Variants in EVC2 observed in about 807,000 individuals in gnomAD.
The protein encoded by EVC2 is EvC ciliary complex subunit 2, also known as limbin.
A neutral mutation model predicts 149.3 loss-of-function variants in EVC2; 148 were observed. The observed-to-expected ratio is 0.99, with a 90% confidence interval of 0.87 to 1.14. EVC2 has a LOEUF of 1.14. EVC2 is among the 50% of genes most tolerant of loss of function. EVC2 has a pLI of 0.00. For missense variants in EVC2, 1,854 were observed against 1,627.3 expected, an observed-to-expected ratio of 1.14 and a Z score of -2.40; for synonymous variants, 776 against 649.9, an observed-to-expected ratio of 1.19 and a Z score of -2.95.
intron 21 of EVC2, among the ~76,000 whole-genome samples, chr4:5,547,547 C>T (rs915243690): frequency 1.3e-5 from 2 of 152,192 alleles, no homozygotes; most frequent in Non-Finnish European, 2.9e-5. Flanking sequence ...AACTGGCATA[C>T]ACTTCCTCCC....
intron 9 of EVC2, among the ~76,000 whole-genome samples, chr4:5,659,235 G>A (rs1718725170): frequency 6.6e-6 from 1 of 152,124 alleles, no homozygotes; most frequent in Non-Finnish European, 1.5e-5. Context: ...AATTACAAAT[G>A]CGATAACTGA....
chr4:5,686,224 T>TTTTA lies in EVC2; in HGVS notation c.707-749_707-746dup, dbSNP rs1211554183. On this transcript the variant is annotated intron_variant, in intron 5 of 21. Transcript: ENST00000344408. The surrounding 1 kb of genome is among the most constrained non-coding windows in gnomAD (Gnocchi z 5.4). Reference sequence around the variant, plus strand: ...AACATTTTCATTTTTATTTAAAATTTTTTATTTATTTATTTCTGAGACAGG... The same window carrying TTTTA: ...AACATTTTCATTTTTATTTAAAATTTTTTATTTATTTATTTATTTCTGAGACAGG... Among the ~76,000 whole-genome samples, 3 of 152,068 alleles carry TTTTA rather than the reference T, an allele frequency of 2.0e-5. No individual in the cohort carries two copies. Among genetic ancestry groups the TTTTA allele is most frequent in the African/African-American group, 7.2e-5 (3 of 41,392 alleles).
At position 5,568,597 on chromosome 4, in the gene EVC2, G is replaced by C; in HGVS notation, c.3404C>G (p.Pro1135Arg). ...CAGGAGCCGGCGAAGCGTGGCCCCG[G>C]GCACCATGGCCATCCTCGCCAGGTA... ...ASYLARMAMVPGATLRRLLSV... is the reference protein window; with the variant it reads ...ASYLARMAMVRGATLRRLLSV... The change falls in exon 20 of 22, where the codon CCC becomes CGC. Residue 1135 changes from proline to arginine, a missense_variant. By Grantham distance (103) the Pro-to-Arg change is moderately radical. Transcript: ENST00000344408. 6.2e-7 allele frequency: 1 copy of C among 1,608,998 alleles called. No individual in the cohort carries two copies. Among genetic ancestry groups the C allele is most frequent in the East Asian group, 2.2e-5 (1 of 44,830 alleles).
intron 3 of EVC2, among the ~76,000 whole-genome samples, chr4:5,692,257 G>A (rs1006125274): frequency 4.6e-5 from 7 of 152,082 alleles, no homozygotes; most frequent in East Asian, 1.9e-4. Flanking sequence ...TGGACTCCTG[G>A]CCTCAAGTGA....
chr4:5,708,794 A>C (rs563774142), upstream of EVC2: 44 of 335,582 alleles, frequency 1.3e-4, no homozygotes, highest in African/African-American at 9.2e-4. Context: ...CCCCGAGGTT[A>C]CCAGGACCCC....
intron 9 of EVC2, among the ~76,000 whole-genome samples, 184 bp downstream of exon 9, chr4:5,662,923 T>C (rs1178565533): frequency 6.6e-6 from 1 of 151,800 alleles, no homozygotes; most frequent in African/African-American, 2.4e-5. Flanking sequence ...GAGCAGGAAG[T>C]ATGTCATCTA....
At chr4:5,631,576 G>T (rs1172946318) in intron 11 of EVC2, among the ~76,000 whole-genome samples, 1 of 150,080 alleles carries the variant, frequency 6.7e-6, no homozygotes, top group Admixed American at 6.7e-5. Flanking sequence ...CTGGGGGGGG[G>T]AACTGAAATT....
intron 11 of EVC2, among the ~76,000 whole-genome samples, 174 bp downstream of exon 11, chr4:5,631,619 A>G (rs375221618): frequency 2.3e-4 from 35 of 152,126 alleles, no homozygotes; most frequent in African/African-American, 8.2e-4. Flanking sequence ...CAAGGCCTGT[A>G]CTCCAAGCCA....
At chr4:5,631,760 T>C (rs568023438) in intron 11 of EVC2, 33 bp downstream of exon 11, 1 of 1,611,492 alleles carries the variant, frequency 6.2e-7, no homozygotes, top group African/African-American at 1.3e-5. Context: ...TCAGAAAAAT[T>C]ACTTTTCCAT....
intron 17 of EVC2, among the ~76,000 whole-genome samples, chr4:5,578,542 C>T (rs983806979): frequency 3.9e-5 from 6 of 152,154 alleles, no homozygotes; most frequent in African/African-American, 1.4e-4. Flanking sequence ...TCAGGTGTCT[C>T]TGACTCTGGG....
intron 8 of EVC2, among the ~76,000 whole-genome samples, chr4:5,664,001 T>C (rs1186014409): frequency 2.0e-5 from 3 of 152,162 alleles, no homozygotes; most frequent in South Asian, 2.1e-4. Context: ...AACCCTCTGA[T>C]TGGATAAGAG....
At chr4:5,661,973 T>C (rs911227762) in intron 9 of EVC2, among the ~76,000 whole-genome samples, 5 of 152,238 alleles carry the variant, frequency 3.3e-5, no homozygotes, top group African/African-American at 9.6e-5. Flanking sequence ...CTATCTGCTA[T>C]TGCACATAGG....
At chr4:5,665,744 G>T in intron 7 of EVC2, 95 bp from the exon 8 acceptor site, 1 of 1,545,360 alleles carries the variant, frequency 6.5e-7, no homozygotes, top group African/African-American at 1.4e-5. Flanking sequence ...GACCAAGCAG[G>T]GACCAGGGGA....
intron 21 of EVC2, among the ~76,000 whole-genome samples, chr4:5,563,518 T>C (rs1407963905): frequency 6.6e-6 from 1 of 152,208 alleles, no homozygotes; most frequent in African/African-American, 2.4e-5. Flanking sequence ...AGCTAATTTC[T>C]TTTAATAGAG....
intron 3 of EVC2, among the ~76,000 whole-genome samples, chr4:5,692,457 A>G (rs577329101): frequency 1.3e-5 from 2 of 152,330 alleles, no homozygotes; most frequent in African/African-American, 4.8e-5. Context: ...TACTCTTGCC[A>G]AAGATTACTC....
downstream of EVC2, among the ~76,000 whole-genome samples, chr4:5,541,165 G>C (rs1205517595): frequency 6.6e-6 from 1 of 152,214 alleles, no homozygotes; most frequent in Non-Finnish European, 1.5e-5. Flanking sequence ...AGGCAAAAAA[G>C]AGAAGCAATT....
Position 5,647,502 on chromosome 4 carries a change from T to C in EVC2, c.1146-6664A>G, listed in dbSNP as rs1354842295. On this transcript the variant is annotated intron_variant, in intron 9 of 21. Transcript: ENST00000344408. ...TTTCATTTTCTCAAAAAGTGCTTAT[T>C]GAACATGTGTCTATGCAACGAGCGC... Among the ~76,000 whole-genome samples the C allele has an allele frequency of 2.6e-5, 4 of 152,240 alleles. No homozygotes were observed. In the East Asian group the frequency reaches 7.7e-4, roughly 29 times the overall value.
intron 21 of EVC2, among the ~76,000 whole-genome samples, chr4:5,550,781 G>A (rs1282324704): frequency 1.3e-5 from 2 of 152,228 alleles, no homozygotes; most frequent in Non-Finnish European, 2.9e-5. Context: ...AAGAAAAAGT[G>A]GTTTTGTGGG....
At position 5,622,580 on chromosome 4, in the gene EVC2, C is replaced by G; in HGVS notation, c.2458G>C (p.Glu820Gln). 1 of 1,614,070 alleles carries G rather than the reference C, an allele frequency of 6.2e-7. No individual in the cohort carries two copies. Among genetic ancestry groups the G allele is most frequent in the Non-Finnish European group, 8.5e-7 (1 of 1,179,982 alleles). The change falls in exon 14 of 22, where the codon GAG (glutamate) becomes CAG (glutamine). Residue 820 changes from glutamate (E) to glutamine (Q), a missense_variant. Physicochemically the swap from Glu to Gln is conservative, Grantham distance 29. Transcript: ENST00000344408. This position sits in a 1 kb window ranked among gnomAD's most constrained non-coding sequence, Gnocchi z 5.8. Reference sequence around the variant, plus strand: ...CAGCGTCGCAGCTCTGCCTGCTCCTCTGTCACGGCCTCAGGAGCGTCATCC... The same window carrying G: ...CAGCGTCGCAGCTCTGCCTGCTCCTGTGTCACGGCCTCAGGAGCGTCATCC... ...LKDDAPEAVT[E>Q]EQAELRRWEH...
Sources: gnomAD v4.1 joint callset for allele counts (sites outside exome capture counted in the v4.1 genomes callset) on GRCh38, gnomAD v4.1.1 for gene constraint, Gnocchi (gnomAD v3.1) non-coding constraint, MANE v1.5 for transcripts, NCBI Gene and HGNC (gene_info 2026-07-23, HGNC 2026-07-21) for gene names.